The following ACOT9 variants were observed in gnomAD, a reference collection of about 807,000 sequenced individuals.
The protein encoded by ACOT9 is acyl-CoA thioesterase 9.
Under a neutral mutation model 39.7 loss-of-function variants are expected in ACOT9, and 34 were observed. That is an observed-to-expected ratio of 0.86 (90% confidence interval 0.65 to 1.14). ACOT9 has a LOEUF of 1.14. Among genes scored for constraint, ACOT9 ranks in the 50% most tolerant of loss-of-function variants. The pLI is 0.00. For missense variants in ACOT9, 313 were observed against 344.1 expected (o/e 0.91, Z 0.71); for synonymous variants, 110 against 120.5 (o/e 0.91, Z 0.57).
chrX:23,740,624 C>T (rs1930102969), intron 1 of ACOT9, among the ~76,000 whole-genome samples: 1 of 108,356 alleles, frequency 9.2e-6, no homozygotes, highest in Admixed American at 1.0e-4. Context: ...GAAACTGAGG[C>T]CCCAGTTTCA....
At chrX:23,728,093 C>A (rs772415774) in intron 6 of ACOT9, among the ~76,000 whole-genome samples, 6 of 110,252 alleles carry the variant, frequency 5.4e-5, no homozygotes, top group Non-Finnish European at 1.1e-4. Context: ...CAGGAGTTCA[C>A]GAAAAACCTG....
At position 23,705,871 on chromosome X, in the gene ACOT9, A is replaced by G. The variant is rs372941674; in HGVS notation, c.843-13T>C. The G allele has an allele frequency of 8.7e-7, 1 of 1,144,790 alleles. No homozygotes were observed. The highest frequency in any genetic ancestry group is 1.8e-5 in the African/African-American group (1 of 56,303). 94.3% of individuals were successfully genotyped at this position (1,144,790 alleles called of 1,213,427 possible). ...AAAACTTATAGTCCTGTACAAATGA[A>G]TATTTATTAAACCCTGTTAATGCCA... On this transcript the variant is annotated splice_polypyrimidine_tract_variant and intron_variant, in intron 11 of 15. Coordinates refer to ENST00000379303, the MANE Select transcript of ACOT9 (RefSeq NM_001037171.2).
At chrX:23,725,555 C>T (rs1394018243) in intron 6 of ACOT9, among the ~76,000 whole-genome samples, 3 of 108,950 alleles carry the variant, frequency 2.8e-5, no homozygotes, top group African/African-American at 3.4e-5. Context: ...CAGTGGCTCA[C>T]ACCTGTAATC....
chrX:23,741,479 G>C (rs1053520182), intron 1 of ACOT9, among the ~76,000 whole-genome samples: 1 of 110,381 alleles, frequency 9.1e-6, no homozygotes, highest in African/African-American at 3.3e-5. Flanking sequence ...TGCAATAACA[G>C]GCAATACCAC....
At chrX:23,716,958 G>A (rs748595894) in intron 8 of ACOT9, among the ~76,000 whole-genome samples, 8 of 111,436 alleles carry the variant, frequency 7.2e-5, no homozygotes, top group East Asian at 2.8e-4. Flanking sequence ...AGGTTCAAGC[G>A]ATTCTTCTGC....
chrX:23,711,836 C>T (rs1928905027), intron 9 of ACOT9, among the ~76,000 whole-genome samples: 1 of 111,119 alleles, frequency 9.0e-6, no homozygotes, highest in Admixed American at 9.7e-5. Flanking sequence ...ATATGAAATA[C>T]GAGATATACA....
intron 15 of ACOT9, among the ~76,000 whole-genome samples, chrX:23,704,382 G>A (rs1332611804): frequency 3.0e-5 from 3 of 100,676 alleles, no homozygotes; most frequent in South Asian, 9.6e-4. Context: ...GGGTTTCACC[G>A]TGTTAGCCAG....
At chrX:23,720,137 A>G (rs1216007822) in intron 8 of ACOT9, among the ~76,000 whole-genome samples, 1 of 113,051 alleles carries the variant, frequency 8.8e-6, no homozygotes, top group African/African-American at 3.2e-5. Flanking sequence ...CCAGCCAGTC[A>G]TTCTTAAATA....
chrX:23,715,750 T>C (rs12849772), intron 8 of ACOT9, among the ~76,000 whole-genome samples: 2 of 111,647 alleles, frequency 1.8e-5, no homozygotes, highest in South Asian at 3.7e-4. Flanking sequence ...AAGACCATTT[T>C]CCCCCAGTTA....
In ACOT9 at chrX:23,743,124, C is replaced by T; in HGVS notation, c.20+1G>A. On this transcript the variant is annotated splice_donor_variant, in intron 1 of 15. Coordinates refer to ENST00000379303, the MANE Select transcript of ACOT9 (RefSeq NM_001037171.2). LOFTEE classifies it high-confidence loss of function. ...AGCCCCTTCCACGCCCCGCCACCTA[C>T]CGCAGTGCTGCCCGCCTCATTGCGC... The T allele has an allele frequency of 8.6e-7, 1 of 1,160,061 alleles. No individual in the cohort carries two copies. Among genetic ancestry groups the T allele is most frequent in the Non-Finnish European group, 1.2e-6 (1 of 868,857 alleles).
intron 6 of ACOT9, among the ~76,000 whole-genome samples, chrX:23,729,028 T>C (rs1310385556): frequency 9.3e-6 from 1 of 107,895 alleles, no homozygotes. Context: ...GATTTAAAAA[T>C]AATGAATTGA....
intron 4 of ACOT9, among the ~76,000 whole-genome samples, chrX:23,731,372 T>G (rs1168549802): frequency 5.6e-5 from 6 of 107,504 alleles, no homozygotes; most frequent in South Asian, 4.0e-4. Flanking sequence ...AGCTACTTGG[T>G]AGGCTGAGGC....
intron 8 of ACOT9, 25 bp from the exon 9 acceptor site, chrX:23,713,233 T>A: frequency 8.8e-7 from 1 of 1,133,453 alleles, no homozygotes; most frequent in Non-Finnish European, 1.2e-6. Flanking sequence ...AAAGAAAATG[T>A]ACATATGAGA....
chrX:23,724,693 G>GC (rs1459509785), intron 6 of ACOT9, among the ~76,000 whole-genome samples: 7 of 110,355 alleles, frequency 6.3e-5, no homozygotes, highest in Admixed American at 1.9e-4. Flanking sequence ...GGATGCTTGA[G>GC]CCCGAGATGT....
intron 8 of ACOT9, among the ~76,000 whole-genome samples, chrX:23,720,214 A>T (rs2146833743): frequency 8.9e-6 from 1 of 112,432 alleles, no homozygotes; most frequent in African/African-American, 3.2e-5. Flanking sequence ...ATCCTCTTTG[A>T]GGTACTTTTT....
At chrX:23,728,443 G>A (rs1005224996) in intron 6 of ACOT9, among the ~76,000 whole-genome samples, 20 of 110,599 alleles carry the variant, frequency 1.8e-4, no homozygotes, top group African/African-American at 6.2e-4. Context: ...CACATACAGC[G>A]GAACTGATTA....
At chrX:23,737,541 T>G (rs779442943) in intron 1 of ACOT9, among the ~76,000 whole-genome samples, 68 of 112,381 alleles carry the variant, frequency 6.1e-4, no homozygotes, top group African/African-American at 2.1e-3. Context: ...TTTACAGTAT[T>G]CTGTAAAATC....
chrX:23,703,779 C>T lies in ACOT9; in HGVS notation c.*115G>A, dbSNP rs1050822437. ...TGATCATCCTAAAGGCTGAATACAT[C>T]CTCCTCCTGTGTGGAGGACACGAAG... On this transcript the variant is annotated 3_prime_UTR_variant, in exon 16 of 16. Transcript: ENST00000379303. The T allele has an allele frequency of 2.7e-5, 15 of 560,136 alleles. No homozygotes were observed. The African/African-American group carries it at 3.0e-4, about 11-fold the overall frequency. 46.2% of individuals were successfully genotyped at this position (560,136 alleles called of 1,213,427 possible).
At chrX:23,720,132 C>CG (rs1929265212) in intron 8 of ACOT9, among the ~76,000 whole-genome samples, 1 of 113,185 alleles carries the variant, frequency 8.8e-6, no homozygotes, top group Non-Finnish European at 1.9e-5. Context: ...CGCGCCCAGC[C>CG]AGTCATTCTT....
Sources: gnomAD v4.1 joint callset for allele counts (sites outside exome capture counted in the v4.1 genomes callset) on GRCh38, gnomAD v4.1.1 for gene constraint, MANE v1.5 for transcripts, NCBI Gene and HGNC (gene_info 2026-07-23, HGNC 2026-07-21) for gene names.